Variants in AUTS2 observed in about 807,000 individuals in gnomAD.
AUTS2 encodes the protein autism susceptibility gene 2 protein.
AUTS2 carries 17 observed loss-of-function variants against 112.4 expected under a neutral mutation model. The observed-to-expected ratio is 0.15, with a 90% CI of 0.10 to 0.23. The LOEUF is 0.23. AUTS2 is among the 10% of genes least tolerant of loss of function. The pLI is 1.00. For missense variants in AUTS2, 1,510 were observed against 1,701.6 expected (o/e 0.89, Z 1.98); for synonymous variants, 751 against 702.7 (o/e 1.07, Z -1.09).
chr7:70,398,917 T>G (rs1453695410), intron 4 of AUTS2, among the ~76,000 whole-genome samples: 1 of 152,094 alleles, frequency 6.6e-6, no homozygotes, highest in African/African-American at 2.4e-5. Flanking sequence ...GAATGAATGT[T>G]TGATTTTTGT....
chr7:70,311,832 T>G (rs1051593548), intron 4 of AUTS2, among the ~76,000 whole-genome samples: 1 of 152,180 alleles, frequency 6.6e-6, no homozygotes, highest in African/African-American at 2.4e-5. Flanking sequence ...TTCTCGTGCC[T>G]CAGCTTCCCA....
Position 70,362,709 on chromosome 7 carries a change from C to CT in AUTS2, c.661-73038dup, listed in dbSNP as rs145952583. ...GATTTTATTTTTTAATCAGAAAGTTCTTTTTAAAGGAAGAGAAATATCAAC... is the reference window on the plus strand; with the variant it reads ...GATTTTATTTTTTAATCAGAAAGTTCTTTTTTAAAGGAAGAGAAATATCAAC... On this transcript the variant is annotated intron_variant, in intron 4 of 18. Transcript: ENST00000342771. 8.0e-3 allele frequency among the ~76,000 whole-genome samples: 1,213 copies of CT among 151,268 alleles called. 17 individuals are homozygous for CT. Among genetic ancestry groups the CT allele is most frequent in the South Asian group, 0.066 (313 of 4,764 alleles).
chr7:70,025,545 A>G (rs537231851), intron 2 of AUTS2, among the ~76,000 whole-genome samples: 23 of 149,408 alleles, frequency 1.5e-4, no homozygotes, highest in African/African-American at 5.4e-4. Flanking sequence ...TCTGCCTCCC[A>G]GGTTCAAGTG....
At chr7:70,341,033 G>T (rs1791239654) in intron 4 of AUTS2, among the ~76,000 whole-genome samples, 1 of 152,120 alleles carries the variant, frequency 6.6e-6, no homozygotes, top group African/African-American at 2.4e-5. Context: ...TAATAGTAAG[G>T]CTGTTTTCCT....
intron 1 of AUTS2, among the ~76,000 whole-genome samples, chr7:69,673,583 G>T (rs948686441): frequency 4.6e-5 from 7 of 152,226 alleles, no homozygotes; most frequent in African/African-American, 1.4e-4. Context: ...GTTCACACAA[G>T]TTGCTTGTAA....
chr7:70,384,137 T>C (rs1411147410), intron 4 of AUTS2, among the ~76,000 whole-genome samples: 1 of 152,216 alleles, frequency 6.6e-6, no homozygotes, highest in Admixed American at 6.5e-5. Context: ...CCTCCTGCCA[T>C]GTGCCTGTGA....
At chr7:70,660,572 C>T (rs1236733796) in intron 5 of AUTS2, among the ~76,000 whole-genome samples, 1 of 152,240 alleles carries the variant, frequency 6.6e-6, no homozygotes, top group Non-Finnish European at 1.5e-5. Context: ...CCACCCCTTC[C>T]TTTGTCTCTT....
chr7:70,756,827 G>C (rs1404353380), intron 6 of AUTS2, among the ~76,000 whole-genome samples: 1 of 152,156 alleles, frequency 6.6e-6, no homozygotes, highest in African/African-American at 2.4e-5. Context: ...AAAAATCAGC[G>C]TATATTAAAA....
intron 5 of AUTS2, among the ~76,000 whole-genome samples, chr7:70,605,123 G>A (rs977674755): frequency 8.0e-5 from 12 of 150,280 alleles, no homozygotes; most frequent in Admixed American, 3.3e-4. Context: ...TTTTCAACAC[G>A]TGAAGAATTC....
At position 70,188,876 on chromosome 7, in the gene AUTS2, C is replaced by T. The variant is rs761496807; in HGVS notation, c.660+54305C>T. ...TGCTGAGATTGCAGGTGTGAGCCAC[C>T]GCAACCGGCTGCATCTTTTTTTCTT... On this transcript the variant is annotated intron_variant, in intron 4 of 18. Coordinates refer to ENST00000342771, the MANE Select transcript of AUTS2 (RefSeq NM_015570.4). Among the ~76,000 whole-genome samples, 187 of 151,608 alleles carry T rather than the reference C, an allele frequency of 1.2e-3. 1 individual carries two copies. Among genetic ancestry groups the T allele is most frequent in the Non-Finnish European group, 1.4e-3 (95 of 67,904 alleles).
intron 5 of AUTS2, among the ~76,000 whole-genome samples, chr7:70,610,219 G>A (rs1052431790): frequency 6.6e-6 from 1 of 151,814 alleles, no homozygotes; most frequent in Non-Finnish European, 1.5e-5. Flanking sequence ...GGCTGGTCTC[G>A]AACTCCTGGC....
intron 2 of AUTS2, among the ~76,000 whole-genome samples, chr7:69,920,983 G>T (rs1022235196): frequency 6.6e-6 from 1 of 152,098 alleles, no homozygotes; most frequent in African/African-American, 2.4e-5. Flanking sequence ...AATCTCCCTC[G>T]TGGTTTTTAT....
At chr7:69,897,051 C>T (rs968490111) in intron 1 of AUTS2, among the ~76,000 whole-genome samples, 1 of 152,180 alleles carries the variant, frequency 6.6e-6, no homozygotes, top group African/African-American at 2.4e-5. Flanking sequence ...TTCCCCACAC[C>T]ATTATCATCC....
chr7:69,728,799 A>C (rs535769786), intron 1 of AUTS2, among the ~76,000 whole-genome samples: 17 of 151,936 alleles, frequency 1.1e-4, no homozygotes, highest in African/African-American at 3.4e-4. Flanking sequence ...GTAGAGAATT[A>C]ATTTCAGTCA....
At chr7:70,747,759 T>G (rs1251459882) in intron 6 of AUTS2, among the ~76,000 whole-genome samples, 2 of 152,102 alleles carry the variant, frequency 1.3e-5, no homozygotes, top group African/African-American at 4.8e-5. Context: ...GTGCTGGGAT[T>G]ACAGGCGTGA....
Position 70,763,291 on chromosome 7 carries a change from C to T in AUTS2, c.1164C>T (p.Ser388=), listed in dbSNP as rs745471360. Reference sequence around the variant, plus strand: ...CCCACCCCTCTGCTCAGAGCCTCTCCCAGCCATTGTCAGCCTACAACAGCA... The same window carrying T: ...CCCACCCCTCTGCTCAGAGCCTCTCTCAGCCATTGTCAGCCTACAACAGCA... ...VQAHPSAQSL[S]QPLSAYNSSS... The change falls in exon 7 of 19, where the codon TCC becomes TCT. Residue 388 remains serine, a synonymous_variant. Coordinates refer to ENST00000342771, the MANE Select transcript of AUTS2 (RefSeq NM_015570.4). The T allele has an allele frequency of 5.2e-5, 83 of 1,605,322 alleles. No homozygotes were observed. The highest frequency in any genetic ancestry group is 6.9e-5 in the Non-Finnish European group (81 of 1,174,870).
At chr7:69,876,960 G>A (rs1793831040) in intron 1 of AUTS2, among the ~76,000 whole-genome samples, 2 of 152,092 alleles carry the variant, frequency 1.3e-5, no homozygotes, top group Non-Finnish European at 2.9e-5. Context: ...TGTGTTTGTT[G>A]GTTGCCCACT....
At chr7:70,178,006 C>T (rs1402227782) in intron 4 of AUTS2, among the ~76,000 whole-genome samples, 1 of 151,532 alleles carries the variant, frequency 6.6e-6, no homozygotes, top group Non-Finnish European at 1.5e-5. Context: ...ACCTCTGCCT[C>T]CCGGGTTCAA....
At chr7:70,378,068 G>T (rs187850021) in intron 4 of AUTS2, among the ~76,000 whole-genome samples, 1 of 151,978 alleles carries the variant, frequency 6.6e-6, no homozygotes, top group Non-Finnish European at 1.5e-5. Flanking sequence ...GAGCCACCGC[G>T]CCCGGCCAGC....
Sources: allele counts gnomAD v4.1 joint callset (sites outside exome capture counted in the v4.1 genomes callset), GRCh38; gene constraint gnomAD v4.1.1; transcripts MANE v1.5; gene names NCBI Gene and HGNC (gene_info 2026-07-23, HGNC 2026-07-21).